The following CUX1 variants were observed in gnomAD, a reference collection of about 807,000 sequenced individuals.
CUX1 encodes the protein cut like homeobox 1, also known as protein CASP.
CUX1 carries 31 observed loss-of-function variants against 158.8 expected under a neutral mutation model. The ratio of observed to expected loss-of-function variants is 0.20; its 90% CI spans 0.15 to 0.26. The LOEUF (loss-of-function observed/expected upper bound fraction) is 0.26, where lower values mean the gene tolerates loss of function less well. Among genes scored for constraint, CUX1 ranks in the 10% least tolerant of loss-of-function variants. The pLI is 1.00. For missense variants in CUX1, 1,589 were observed against 2,014.6 expected (o/e 0.79, Z 4.04); for synonymous variants, 879 against 862.1 (o/e 1.02, Z -0.34).
chr7:102,248,372 C>T lies in CUX1; in HGVS notation c.3888-40C>T. 1 of 1,531,322 alleles carries T rather than the reference C, an allele frequency of 6.5e-7. No individual in the cohort carries two copies. The highest frequency in any genetic ancestry group is 8.8e-7 in the Non-Finnish European group (1 of 1,140,718). The allele number at this position is 1,531,322 out of a possible 1,614,324, so 94.9% of individuals were successfully genotyped here. On this transcript the variant is annotated intron_variant, in intron 23 of 23. Coordinates refer to ENST00000292535, the MANE Select transcript of CUX1 (RefSeq NM_181552.4). This position sits in a 1 kb window ranked among gnomAD's most constrained non-coding sequence, Gnocchi z 5.8. ...GTAGCACCAGAGGCCCTTTCCCCAG[C>T]AGCACCCCCCTCACGTCCCCGCCGC...
chr7:102,204,834 A>G (rs1285958507), intron 19 of CUX1, among the ~76,000 whole-genome samples: 3 of 152,282 alleles, frequency 2.0e-5, no homozygotes, highest in African/African-American at 7.2e-5. Context: ...TGCTGTTTAT[A>G]CATAAATACA....
chr7:102,190,634 A>G (rs1794172218), intron 12 of CUX1, among the ~76,000 whole-genome samples: 1 of 152,138 alleles, frequency 6.6e-6, no homozygotes, highest in South Asian at 2.1e-4. Context: ...AGCACTGCAA[A>G]CGAAGGTTGC....
At chr7:102,171,126 G>A (rs1490415824) in intron 10 of CUX1, among the ~76,000 whole-genome samples, 1 of 152,158 alleles carries the variant, frequency 6.6e-6, no homozygotes, top group African/African-American at 2.4e-5. Context: ...CTCGATCAAG[G>A]TGGCTTTGAA....
intron 20 of CUX1, among the ~76,000 whole-genome samples, chr7:102,218,326 A>T (rs1797453733): frequency 6.6e-6 from 1 of 152,212 alleles, no homozygotes; most frequent in Non-Finnish European, 1.5e-5. Flanking sequence ...GTAACTTAGA[A>T]GTCAGGTTTG....
chr7:102,213,546 G>T (rs957012581), intron 20 of CUX1, among the ~76,000 whole-genome samples: 2 of 152,148 alleles, frequency 1.3e-5, no homozygotes, highest in Non-Finnish European at 2.9e-5. Context: ...TTCTGAAAAG[G>T]CCCGACAGGC....
intron 2 of CUX1, among the ~76,000 whole-genome samples, chr7:101,928,536 A>C (rs1402368458): frequency 1.3e-5 from 2 of 150,596 alleles, no homozygotes; most frequent in East Asian, 3.9e-4. Flanking sequence ...ACGCCTGGCT[A>C]ATTTTTGTAT....
intron 3 of CUX1, among the ~76,000 whole-genome samples, chr7:102,047,451 G>A (rs1183277314): frequency 2.0e-5 from 3 of 151,576 alleles, no homozygotes; most frequent in Non-Finnish European, 4.4e-5. Flanking sequence ...AGGGATAGAT[G>A]GATGGGTGAT....
At chr7:102,145,208 T>C (rs1040880641) in intron 8 of CUX1, among the ~76,000 whole-genome samples, 9 of 152,096 alleles carry the variant, frequency 5.9e-5, no homozygotes, top group Non-Finnish European at 1.3e-4. Flanking sequence ...ACTTTTTCTT[T>C]TCCTTGCAAT....
intron 2 of CUX1, chr7:101,932,503 T>C: frequency 2.3e-6 from 1 of 429,376 alleles, no homozygotes; most frequent in Non-Finnish European, 4.8e-6. Context: ...AAGCCTTTTC[T>C]TGAGATCAGC....
chr7:102,241,655 C>T (rs1467615923), intron 23 of CUX1, among the ~76,000 whole-genome samples: 2 of 152,206 alleles, frequency 1.3e-5, no homozygotes, highest in African/African-American at 4.8e-5. Context: ...CAAATCACAC[C>T]TTTATTGCCC....
chr7:101,819,223 C>A (rs547490159), intron 1 of CUX1, among the ~76,000 whole-genome samples: 1 of 152,334 alleles, frequency 6.6e-6, no homozygotes, highest in South Asian at 2.1e-4. Flanking sequence ...CTTGTAAAAA[C>A]CAGGTTTTCT....
At chr7:101,906,962 T>C (rs564105939) in intron 1 of CUX1, among the ~76,000 whole-genome samples, 1 of 152,224 alleles carries the variant, frequency 6.6e-6, no homozygotes, top group Non-Finnish European at 1.5e-5. Context: ...GGCTTCCTGG[T>C]TCGAGATGCC....
chr7:101,969,359 C>CAAAAAAAAAAAAAAAAAAAAAAAAAAG (rs10711703), intron 2 of CUX1, among the ~76,000 whole-genome samples: 3 of 56,114 alleles, frequency 5.3e-5, no homozygotes, highest in Admixed American at 2.1e-4. Flanking sequence ...CAAAAAACAG[C>CAAAAAAAAAAAAAAAAAAAAAAAAAAG]AAAAAAAAAA....
chr7:101,853,359 AC>A (rs1217733371), intron 1 of CUX1, among the ~76,000 whole-genome samples: 4 of 152,242 alleles, frequency 2.6e-5, no homozygotes, highest in Non-Finnish European at 4.4e-5. Context: ...AACTTGAGTT[AC>A]TGCAACATTA....
At chr7:102,227,229 C>T (rs1479108449) in intron 20 of CUX1, 138 bp from the exon 21 acceptor site, 1 of 733,650 alleles carries the variant, frequency 1.4e-6, no homozygotes, top group Non-Finnish European at 2.3e-6. Context: ...TGAAACAGTT[C>T]ACTAAGACCC....
At chr7:101,921,574 C>T (rs1260347275) in intron 2 of CUX1, among the ~76,000 whole-genome samples, 3 of 152,076 alleles carry the variant, frequency 2.0e-5, no homozygotes, top group African/African-American at 7.2e-5. Context: ...GATTGTCTTG[C>T]CTTAGCCTTC....
At chr7:101,899,330 C>T (rs1441519211) in intron 1 of CUX1, among the ~76,000 whole-genome samples, 1 of 152,172 alleles carries the variant, frequency 6.6e-6, no homozygotes, top group Non-Finnish European at 1.5e-5. Context: ...AGGTGGATCA[C>T]TTGAGGTCAG....
chr7:101,895,543 A>C (rs1406595476), intron 1 of CUX1, among the ~76,000 whole-genome samples: 1 of 152,176 alleles, frequency 6.6e-6, no homozygotes, highest in Non-Finnish European at 1.5e-5. Flanking sequence ...TCACCTGTCC[A>C]TAGGGGTGGG....
At chr7:102,234,778 A>AAT (rs1799368979) in intron 22 of CUX1, among the ~76,000 whole-genome samples, 1 of 148,988 alleles carries the variant, frequency 6.7e-6, no homozygotes, top group African/African-American at 2.5e-5. Context: ...AAAAAAAAAA[A>AAT]ATATAGCCAA....
Sources: gnomAD v4.1 joint callset for allele counts (sites outside exome capture counted in the v4.1 genomes callset) on GRCh38, gnomAD v4.1.1 for gene constraint, Gnocchi (gnomAD v3.1) non-coding constraint, MANE v1.5 for transcripts, NCBI Gene and HGNC (gene_info 2026-07-23, HGNC 2026-07-21) for gene names.